The following STPG2 variants were observed in gnomAD, a reference collection of about 807,000 sequenced individuals.
STPG2 encodes the protein sperm tail PG-rich repeat containing 2.
Under a neutral mutation model 54.2 loss-of-function variants are expected in STPG2, and 56 were observed. That is an observed-to-expected ratio of 1.03 (90% confidence interval 0.83 to 1.29). The LOEUF (loss-of-function observed/expected upper bound fraction) is 1.29, where lower values mean the gene tolerates loss of function less well. STPG2 is among the 50% of genes most tolerant of loss of function. STPG2 has a pLI of 0.00. For missense variants in STPG2, 596 were observed against 544.9 expected, an observed-to-expected ratio of 1.09 and a Z score of -0.93; for synonymous variants, 200 against 181.8, an observed-to-expected ratio of 1.10 and a Z score of -0.81.
chr4:97,656,485 T>C (rs1010345828), intron 10 of STPG2, among the ~76,000 whole-genome samples: 2 of 151,956 alleles, frequency 1.3e-5, no homozygotes, highest in African/African-American at 2.4e-5. Context: ...ACAAATGCAA[T>C]AGAGTCTTAT....
At chr4:98,069,137 G>A (rs1737924793) in intron 5 of STPG2, among the ~76,000 whole-genome samples, 1 of 151,828 alleles carries the variant, frequency 6.6e-6, no homozygotes, top group African/African-American at 2.4e-5. Context: ...TTAGTATAAT[G>A]GATCATCTAT....
At chr4:97,444,730 A>G (rs1729175958) in intron 4 of STPG2, among the ~76,000 whole-genome samples, 1 of 152,098 alleles carries the variant, frequency 6.6e-6, no homozygotes, top group African/African-American at 2.4e-5. Context: ...GTAAATCAAA[A>G]TAAAAATAAC....
At position 97,904,242 on chromosome 4, in the gene STPG2, G is replaced by C. The variant is rs541863970; in HGVS notation, c.1044+39655C>G. ...AGAGCAGTGGTTCTCCCAGCACACAGCTGGAGATCTGAGAACAGGCAGACT... is the reference window on the plus strand; with the variant it reads ...AGAGCAGTGGTTCTCCCAGCACACACCTGGAGATCTGAGAACAGGCAGACT... On this transcript the variant is annotated intron_variant, in intron 8 of 10. Coordinates refer to ENST00000295268, the MANE Select transcript of STPG2 (RefSeq NM_174952.3). Among the ~76,000 whole-genome samples, 15 of 152,300 alleles carry C rather than the reference G, an allele frequency of 9.8e-5. No homozygotes were observed. In the East Asian group the frequency reaches 2.9e-3, roughly 29 times the overall value.
At chr4:97,857,006 G>A (rs925198702) in intron 8 of STPG2, among the ~76,000 whole-genome samples, 8 of 152,166 alleles carry the variant, frequency 5.3e-5, no homozygotes, top group Non-Finnish European at 1.2e-4. Context: ...CAGAAATGAA[G>A]CCAACTTGAT....
intron 9 of STPG2, among the ~76,000 whole-genome samples, chr4:97,826,572 T>C (rs750665749): frequency 8.7e-4 from 133 of 152,346 alleles, no homozygotes; most frequent in Non-Finnish European, 1.1e-3. Flanking sequence ...CCTTACCTTA[T>C]GGTCAAACTG....
intron 7 of STPG2, among the ~76,000 whole-genome samples, chr4:97,967,568 C>T (rs768953617): frequency 2.6e-5 from 4 of 152,166 alleles, no homozygotes; most frequent in Admixed American, 6.5e-5. Context: ...CTTCTCAGCA[C>T]CACACTGCAC....
chr4:97,775,418 T>A (rs537269698), intron 9 of STPG2, among the ~76,000 whole-genome samples: 7 of 152,074 alleles, frequency 4.6e-5, no homozygotes, highest in Admixed American at 3.9e-4. Context: ...AGTATAATTT[T>A]AAAAAATGCA....
intron 10 of STPG2, among the ~76,000 whole-genome samples, chr4:97,617,442 G>A (rs574871550): frequency 6.6e-6 from 1 of 152,188 alleles, no homozygotes; most frequent in South Asian, 2.1e-4. Context: ...TATTTAAAAG[G>A]AACTATATTT....
rs554175173 is a variant in STPG2 at position 97,541,152 on chromosome 4, T to C, written c.462+171547A>G. 1.6e-3 allele frequency among the ~76,000 whole-genome samples: 244 copies of C among 152,240 alleles called. 1 individual carries two copies. Among genetic ancestry groups the C allele is most frequent in the Non-Finnish European group, 6.8e-4 (46 of 68,008 alleles). ...AGGCAGGAGAAGGAAATAAAGGGTA[T>C]TCAATTAGGAAAAGAGGAAGTCAAA... On this transcript the variant is annotated intron_variant, in intron 4 of 4. Coordinates refer to the STPG2 transcript ENST00000522676.
At chr4:98,053,902 T>C (rs1737405421) in intron 5 of STPG2, among the ~76,000 whole-genome samples, 1 of 152,160 alleles carries the variant, frequency 6.6e-6, no homozygotes, top group Admixed American at 6.5e-5. Flanking sequence ...TTCTAATAAA[T>C]AAACTACTAA....
At chr4:97,450,255 C>CTTCCACT (rs1463923710) in intron 4 of STPG2, among the ~76,000 whole-genome samples, 2 of 152,156 alleles carry the variant, frequency 1.3e-5, no homozygotes, top group East Asian at 3.8e-4. Flanking sequence ...AACTGGGAAA[C>CTTCCACT]TTCCACTTAT....
At chr4:97,734,848 G>A (rs557818414) in intron 9 of STPG2, among the ~76,000 whole-genome samples, 1 of 152,006 alleles carries the variant, frequency 6.6e-6, no homozygotes, top group African/African-American at 2.4e-5. Flanking sequence ...CGAGGCAGGT[G>A]GATCACAAGG....
chr4:97,574,382 C>T (rs913671803), intron 10 of STPG2, among the ~76,000 whole-genome samples: 1 of 151,694 alleles, frequency 6.6e-6, no homozygotes, highest in African/African-American at 2.4e-5. Context: ...GACACAGGAA[C>T]CTTCAGAAAT....
At chr4:97,730,853 T>G (rs1405456404) in intron 9 of STPG2, among the ~76,000 whole-genome samples, 1 of 152,228 alleles carries the variant, frequency 6.6e-6, no homozygotes, top group Non-Finnish European at 1.5e-5. Context: ...ATTTTTCAAC[T>G]CCAGAAGTTC....
intron 4 of STPG2, among the ~76,000 whole-genome samples, chr4:97,537,786 G>T (rs1277645301): frequency 6.6e-6 from 1 of 152,136 alleles, no homozygotes; most frequent in Non-Finnish European, 1.5e-5. Context: ...TATCTGGGAG[G>T]CACCCCCTAG....
intron 9 of STPG2, among the ~76,000 whole-genome samples, chr4:97,820,785 A>G (rs983865692): frequency 6.6e-6 from 1 of 152,092 alleles, no homozygotes. Flanking sequence ...AAGGTGGCAC[A>G]GAGAGGTTAC....
intron 8 of STPG2, among the ~76,000 whole-genome samples, chr4:97,860,229 T>C (rs1404592814): frequency 6.6e-6 from 1 of 152,136 alleles, no homozygotes; most frequent in Non-Finnish European, 1.5e-5. Flanking sequence ...TTGTTCCATA[T>C]GAATTTTAGA....
intron 10 of STPG2, among the ~76,000 whole-genome samples, chr4:97,710,447 C>A (rs1724077399): frequency 6.6e-6 from 1 of 152,024 alleles, no homozygotes; most frequent in Non-Finnish European, 1.5e-5. Context: ...GTATGGACCA[C>A]CAGCATTGGA....
At chr4:97,742,563 G>GTA (rs1400378092) in intron 9 of STPG2, among the ~76,000 whole-genome samples, 1 of 119,270 alleles carries the variant, frequency 8.4e-6, no homozygotes, top group African/African-American at 3.3e-5. Context: ...GTGTGTGTGT[G>GTA]TGTCTATATA....
Sources: allele counts gnomAD v4.1 joint callset (sites outside exome capture counted in the v4.1 genomes callset), GRCh38; gene constraint gnomAD v4.1.1; transcripts MANE v1.5; gene names NCBI Gene and HGNC (gene_info 2026-07-23, HGNC 2026-07-21).